PRKN: variants seen among roughly 807,000 people sequenced by gnomAD.
PRKN encodes the protein parkin RBR E3 ubiquitin protein ligase.
Under a neutral mutation model 59.5 loss-of-function variants are expected in PRKN, and 56 were observed. The ratio of observed to expected loss-of-function variants is 0.94; its 90% CI spans 0.76 to 1.18. PRKN has a LOEUF of 1.18. Ranked by LOEUF, PRKN falls within the 50% of genes most tolerant of loss-of-function variation. PRKN has a pLI of 0.00. For missense variants in PRKN, 657 were observed against 596.4 expected (o/e 1.10, Z -1.06); for synonymous variants, 250 against 222.1 (o/e 1.13, Z -1.12).
intron 1 of PRKN, among the ~76,000 whole-genome samples, chr6:162,702,703 A>G (rs906408186): frequency 6.6e-5 from 10 of 152,224 alleles, no homozygotes; most frequent in Admixed American, 6.5e-4. Context: ...AAATTGGTTT[A>G]CAGCAGGCTG....
chr6:162,707,799 A>C (rs1236796591), intron 1 of PRKN, among the ~76,000 whole-genome samples: 2 of 152,092 alleles, frequency 1.3e-5, no homozygotes, highest in Non-Finnish European at 1.5e-5. Context: ...GGTCTCGATC[A>C]AACTCCTGGC....
At chr6:161,971,748 A>T (rs1423793509) in intron 6 of PRKN, among the ~76,000 whole-genome samples, 1 of 152,186 alleles carries the variant, frequency 6.6e-6, no homozygotes. Context: ...ATTAATCAAC[A>T]TTTTAATTTT....
At chr6:161,380,155 C>T (rs1478607732) in intron 10 of PRKN, among the ~76,000 whole-genome samples, 2 of 152,168 alleles carry the variant, frequency 1.3e-5, no homozygotes, top group African/African-American at 4.8e-5. Context: ...GAACTTTACA[C>T]ACCCTGTCCC....
intron 1 of PRKN, among the ~76,000 whole-genome samples, chr6:162,633,219 AGGT>A (rs1777580147): frequency 6.6e-6 from 1 of 151,768 alleles, no homozygotes; most frequent in South Asian, 2.1e-4. Flanking sequence ...GGATAACTTG[AGGT>A]AAGGAGTTCG....
At chr6:162,416,354 G>C (rs576029215) in intron 2 of PRKN, among the ~76,000 whole-genome samples, 30 of 152,334 alleles carry the variant, frequency 2.0e-4, no homozygotes, top group African/African-American at 7.2e-4. Context: ...CAAGAAGTCT[G>C]TCCTTTGCTA....
chr6:161,774,611 T>C (rs1583144890), intron 7 of PRKN, among the ~76,000 whole-genome samples: 1 of 152,090 alleles, frequency 6.6e-6, no homozygotes, highest in Non-Finnish European at 1.5e-5. Flanking sequence ...GGGGCTGCTG[T>C]GGGTGACAGA....
chr6:162,432,902 T>C (rs2128163824), intron 2 of PRKN, among the ~76,000 whole-genome samples: 1 of 152,278 alleles, frequency 6.6e-6, no homozygotes, highest in South Asian at 2.1e-4. Context: ...CACATACAGA[T>C]ACATTCAGTG....
chr6:161,714,613 G>T (rs1184669694), intron 7 of PRKN, among the ~76,000 whole-genome samples: 3 of 152,208 alleles, frequency 2.0e-5, no homozygotes, highest in Non-Finnish European at 4.4e-5. Context: ...AAGACAGGGA[G>T]TGTCCATGTA....
chr6:161,350,059 C>T lies in PRKN; in HGVS notation c.*40G>A. ...AAAATGAAGGTAGACACTGGGTATG[C>T]TCCCCCAGGATGTGGCGATGGGGCG... On this transcript the variant is annotated 3_prime_UTR_variant, in exon 12 of 12. Transcript: ENST00000366898. 8.0e-7 allele frequency: 1 copy of T among 1,248,356 alleles called. No individual in the cohort carries two copies. The highest frequency in any genetic ancestry group is 1.2e-6 in the Non-Finnish European group (1 of 850,050). The allele number at this position is 1,248,356 out of a possible 1,614,324, so 77.3% of individuals were successfully genotyped here.
rs1420460988 is a variant in PRKN at position 161,468,884 on chromosome 6, A to C, written c.1083+79970T>G. On this transcript the variant is annotated intron_variant, in intron 9 of 11. Transcript: ENST00000366898. This position sits in a 1 kb window ranked among gnomAD's most constrained non-coding sequence, Gnocchi z 5.9. ...CAGTCCTTCCCATAAGACATACTCA[A>C]CACCAACCTGGTTAACTGATAATGC... Among the ~76,000 whole-genome samples the C allele has an allele frequency of 6.6e-6, 1 of 152,170 alleles. No homozygotes were observed.
At chr6:161,773,556 C>A (rs1028711851) in intron 7 of PRKN, among the ~76,000 whole-genome samples, 1 of 151,812 alleles carries the variant, frequency 6.6e-6, no homozygotes, top group Non-Finnish European at 1.5e-5. Flanking sequence ...AAGAAGAAAT[C>A]CTAAAGACAG....
In PRKN at chr6:162,223,661, A is replaced by ACACACACACACACACAC. The variant is rs11452001; in HGVS notation, c.413-22410_413-22409insGTGTGTGTGTGTGTGTG. ...CACACACACACACACACACACACAC[A>ACACACACACACACACAC]AACATAATGCTCCAGAAACAGCACA... On this transcript the variant is annotated intron_variant, in intron 3 of 11. Transcript: ENST00000366898. Among the ~76,000 whole-genome samples the ACACACACACACACACAC allele has an allele frequency of 2.3e-4, 14 of 60,736 alleles. 1 individual carries two copies. The highest frequency in any genetic ancestry group is 9.3e-4 in the African/African-American group (13 of 14,026). 39.8% of individuals were successfully genotyped at this position (60,736 alleles called of 152,430 possible).
intron 2 of PRKN, among the ~76,000 whole-genome samples, chr6:162,333,652 G>A (rs1783696975): frequency 6.6e-6 from 1 of 152,080 alleles, no homozygotes; most frequent in Admixed American, 6.6e-5. Context: ...CTCCTCAGGT[G>A]TGCCTCCCTA....
Position 161,785,789 on chromosome 6 carries a change from T to C in PRKN, c.854A>G (p.Tyr285Cys). The change falls in exon 7 of 12, where the codon TAC becomes TGC. Residue 285 changes from tyrosine (Y) to cysteine (C), a missense_variant. Physicochemically the swap from Tyr to Cys is radical, Grantham distance 194 (BLOSUM62 -2). Transcript: ENST00000366898. The stretch of plus-strand genomic sequence containing the variant: ...AGACTTACCCACACAAGGCAGGGAG[T>C]AGCCAAGTTGAGGGTCGTGAACAAA... Reference protein sequence around the residue: ...RQFVHDPQLGYSLPCVAGCPN... With the variant: ...RQFVHDPQLGCSLPCVAGCPN... 9 of 1,613,872 alleles carry C rather than the reference T, an allele frequency of 5.6e-6. No homozygotes were observed. The highest frequency in any genetic ancestry group is 7.6e-6 in the Non-Finnish European group (9 of 1,179,944).
chr6:161,808,581 T>C (rs1336539585), intron 6 of PRKN, among the ~76,000 whole-genome samples: 1 of 152,192 alleles, frequency 6.6e-6, no homozygotes. Context: ...GTGTTCTTAA[T>C]ATTATTTTTG....
In PRKN at chr6:161,478,772, G is replaced by A. The variant is rs143073571; in HGVS notation, c.1083+70082C>T. Among the ~76,000 whole-genome samples, 126 of 152,328 alleles carry A rather than the reference G, an allele frequency of 8.3e-4. 1 individual carries two copies. Among genetic ancestry groups the A allele is most frequent in the African/African-American group, 2.6e-3 (107 of 41,584 alleles). On this transcript the variant is annotated intron_variant, in intron 9 of 11. Coordinates refer to ENST00000366898, the MANE Select transcript of PRKN (RefSeq NM_004562.3). Reference sequence around the variant, plus strand: ...GAGGTGGGACGATCACGTGAGCCTCGGAGGTTGAGGCTTCAGTGAGCTCTG... The same window carrying A: ...GAGGTGGGACGATCACGTGAGCCTCAGAGGTTGAGGCTTCAGTGAGCTCTG...
At chr6:162,544,823 A>G (rs1779056536) in intron 1 of PRKN, among the ~76,000 whole-genome samples, 1 of 150,562 alleles carries the variant, frequency 6.6e-6, no homozygotes, top group South Asian at 2.1e-4. Flanking sequence ...GATTACAGGC[A>G]TGTGCCACCA....
At chr6:161,542,138 T>G (rs989927934) in intron 9 of PRKN, among the ~76,000 whole-genome samples, 41 of 152,224 alleles carry the variant, frequency 2.7e-4, no homozygotes, top group African/African-American at 9.7e-4. Context: ...CATTTTCTCT[T>G]CCTTATGATT....
At chr6:162,360,457 G>T (rs147472790) in intron 2 of PRKN, among the ~76,000 whole-genome samples, 1,688 of 152,204 alleles carry the variant, frequency 0.011, 15 homozygotes, top group African/African-American at 0.032. Flanking sequence ...CCTTTCAAAA[G>T]AATGGTAACC....
Sources: allele counts gnomAD v4.1 joint callset (sites outside exome capture counted in the v4.1 genomes callset), GRCh38; gene constraint gnomAD v4.1.1; non-coding constraint Gnocchi (gnomAD v3.1); transcripts MANE v1.5; gene names NCBI Gene and HGNC (gene_info 2026-07-23, HGNC 2026-07-21).